The following SEMA3D variants were observed in gnomAD, a reference collection of about 807,000 sequenced individuals.
SEMA3D encodes semaphorin 3D.
SEMA3D carries 84 observed loss-of-function variants against 100.1 expected under a neutral mutation model. That is an observed-to-expected ratio of 0.84 (90% confidence interval 0.70 to 1.01). The LOEUF (loss-of-function observed/expected upper bound fraction) is 1.01, where lower values mean the gene tolerates loss of function less well. SEMA3D is among the 50% of genes least tolerant of loss of function. SEMA3D has a pLI of 0.00. For missense variants in SEMA3D, 875 were observed against 934.1 expected (o/e 0.94, Z 0.82); for synonymous variants, 312 against 320.7 (o/e 0.97, Z 0.29).
intron 17 of SEMA3D, among the ~76,000 whole-genome samples, chr7:85,011,714 C>A (rs1311253204): frequency 6.6e-6 from 1 of 151,752 alleles, no homozygotes; most frequent in African/African-American, 2.4e-5. Flanking sequence ...TAACGGACAT[C>A]ACAATGAATC....
the SEMA3D span, among the ~76,000 whole-genome samples, chr7:85,230,677 T>G: frequency 6.6e-6 from 1 of 152,216 alleles, no homozygotes; most frequent in African/African-American, 2.4e-5. Context: ...ATATCTATAC[T>G]TCTTCCATGG....
intron 1 of SEMA3D, among the ~76,000 whole-genome samples, chr7:85,164,361 T>C (rs755490569): frequency 2.5e-4 from 38 of 152,156 alleles, no homozygotes; most frequent in Admixed American, 5.9e-4. Context: ...TACATATACT[T>C]ATTTATCTAA....
At chr7:85,217,429 T>G in the SEMA3D span, among the ~76,000 whole-genome samples, 2 of 152,054 alleles carry the variant, frequency 1.3e-5, no homozygotes, top group African/African-American at 2.4e-5. Flanking sequence ...TCTTATAGTT[T>G]AACAAAAACA....
At chr7:85,138,579 C>T (rs565636158) in intron 2 of SEMA3D, among the ~76,000 whole-genome samples, 54 of 148,346 alleles carry the variant, frequency 3.6e-4, no homozygotes, top group African/African-American at 1.3e-3. Context: ...CCTTTCACCC[C>T]TTTCTTTCCA....
At chr7:85,212,802 G>A in the SEMA3D span, among the ~76,000 whole-genome samples, 19,666 of 151,556 alleles carry the variant, frequency 0.13, 2,874 homozygotes, top group African/African-American at 0.35. Flanking sequence ...TTTATTTTTA[G>A]GTATTTTATT....
intron 1 of SEMA3D, among the ~76,000 whole-genome samples, chr7:85,175,803 C>G (rs921211888): frequency 6.6e-6 from 1 of 151,828 alleles, no homozygotes; most frequent in Admixed American, 6.6e-5. Context: ...TGATGGGGAA[C>G]TATATAAATA....
chr7:85,082,777 G>T (rs1047711034), intron 4 of SEMA3D, among the ~76,000 whole-genome samples: 2 of 152,130 alleles, frequency 1.3e-5, no homozygotes, highest in Non-Finnish European at 2.9e-5. Flanking sequence ...CAAATACAAT[G>T]AAATTATTGA....
intron 1 of SEMA3D, among the ~76,000 whole-genome samples, chr7:85,168,617 A>T (rs1437808656): frequency 1.5e-5 from 2 of 135,350 alleles, no homozygotes; most frequent in South Asian, 2.4e-4. Flanking sequence ...GGTTTCTGCA[A>T]TTTTTTTTTT....
intron 3 of SEMA3D, among the ~76,000 whole-genome samples, chr7:85,110,931 C>G (rs138343966): frequency 7.2e-4 from 110 of 152,146 alleles, no homozygotes; most frequent in African/African-American, 2.2e-3. Context: ...CTGCTTTTAT[C>G]AAAGTCAACA....
At chr7:85,227,921 C>T in the SEMA3D span, among the ~76,000 whole-genome samples, 1 of 152,104 alleles carries the variant, frequency 6.6e-6, no homozygotes, top group Non-Finnish European at 1.5e-5. Flanking sequence ...AAGATTAACA[C>T]TGGCAATAAT....
intron 2 of SEMA3D, among the ~76,000 whole-genome samples, chr7:85,130,492 C>T (rs952304679): frequency 6.6e-6 from 1 of 152,140 alleles, no homozygotes; most frequent in Admixed American, 6.6e-5. Context: ...TAAGTTTGCA[C>T]ATGCTCATTG....
intron 5 of SEMA3D, among the ~76,000 whole-genome samples, chr7:85,075,076 A>C (rs927930333): frequency 1.2e-4 from 18 of 152,006 alleles, no homozygotes; most frequent in African/African-American, 4.3e-4. Context: ...ACTCATGCTC[A>C]CTTTTTGAAA....
At chr7:85,231,617 A>AT in the SEMA3D span, among the ~76,000 whole-genome samples, 7 of 151,720 alleles carry the variant, frequency 4.6e-5, no homozygotes, top group Non-Finnish European at 7.4e-5. Context: ...CACCCGGCTA[A>AT]TTTTTTGTAC....
intron 11 of SEMA3D, among the ~76,000 whole-genome samples, chr7:85,040,161 G>A (rs1055439839): frequency 2.3e-4 from 34 of 150,896 alleles, no homozygotes; most frequent in Admixed American, 1.9e-3. Flanking sequence ...TTTACTTTTT[G>A]TAGAGACTGG....
chr7:85,111,233 T>C (rs914916223), intron 3 of SEMA3D, among the ~76,000 whole-genome samples: 1 of 152,134 alleles, frequency 6.6e-6, no homozygotes, highest in East Asian at 1.9e-4. Flanking sequence ...AATTTCTATA[T>C]GTTAATGGCC....
the SEMA3D span, among the ~76,000 whole-genome samples, chr7:85,243,688 CA>C: frequency 1.3e-5 from 2 of 151,834 alleles, no homozygotes; most frequent in African/African-American, 4.8e-5. Context: ...TTTTTAACTA[CA>C]AAAAAAATGG....
chr7:85,007,449 G>A (rs1789831786), intron 17 of SEMA3D, among the ~76,000 whole-genome samples: 1 of 151,608 alleles, frequency 6.6e-6, no homozygotes, highest in East Asian at 1.9e-4. Context: ...AAAATTCTAT[G>A]ATGATGATGA....
chr7:85,193,676 A>G, the SEMA3D span, among the ~76,000 whole-genome samples: 1 of 152,118 alleles, frequency 6.6e-6, no homozygotes, highest in African/African-American at 2.4e-5. Context: ...AACAAAACTG[A>G]GAAGCAATGA....
intron 12 of SEMA3D, among the ~76,000 whole-genome samples, chr7:85,023,461 G>T (rs1790310727): frequency 6.6e-6 from 1 of 151,730 alleles, no homozygotes; most frequent in African/African-American, 2.4e-5. Context: ...CGTATAGAAC[G>T]ATTCTTTTAT....
Sources: allele counts gnomAD v4.1 joint callset (sites outside exome capture counted in the v4.1 genomes callset), GRCh38; gene constraint gnomAD v4.1.1; transcripts MANE v1.5; gene names NCBI Gene and HGNC (gene_info 2026-07-23, HGNC 2026-07-21).